CHD8: variants seen among roughly 807,000 people sequenced by gnomAD.
The protein encoded by CHD8 is ATP-dependent chromatin remodeler CHD8.
Under a neutral mutation model 279.2 loss-of-function variants are expected in CHD8, and 31 were observed. The observed-to-expected ratio is 0.11, with a 90% CI of 0.08 to 0.15. The LOEUF (loss-of-function observed/expected upper bound fraction) is 0.15. CHD8 is among the 10% of genes least tolerant of loss of function. The pLI, the probability that CHD8 is intolerant of heterozygous loss-of-function variation, is 1.00. For missense variants in CHD8, 2,146 were observed against 3,230.5 expected (o/e 0.66, Z 8.14); for synonymous variants, 1,081 against 1,139.6 (o/e 0.95, Z 1.04).
chr14:21,426,076 A>G, intron 5 of CHD8, 52 bp downstream of exon 5: 1 of 1,063,058 alleles, frequency 9.4e-7, no homozygotes, highest in East Asian at 2.4e-5. Context: ...TGGCTTGGTT[A>G]GCCATAATTA....
intron 37 of CHD8, among the ~76,000 whole-genome samples, chr14:21,389,890 T>C (rs1312154226): frequency 6.6e-6 from 1 of 152,200 alleles, no homozygotes. Context: ...GGAAATCTCA[T>C]GACTATTTTC....
At chr14:21,391,349 C>T in intron 36 of CHD8, 114 bp downstream of exon 36, 1 of 977,336 alleles carries the variant, frequency 1.0e-6, no homozygotes, top group South Asian at 1.7e-5. Context: ...TAATTATTAC[C>T]CTTATCTTGC....
chr14:21,429,236 C>G lies in CHD8; in HGVS notation c.943G>C (p.Val315Leu). ...VVLGSLPGKI[V>L]LQGNQLAALT... ...GCTGCCAGCTGGTTGCCCTGTAACA[C>G]TATCTTGCCTGGTAGACTCCCTAGC... Residue 315 changes from valine (V) to leucine (L), a missense_variant, in exon 3 of 38, where the codon GTG (valine) becomes CTG (leucine). Val to Leu is a conservative substitution (Grantham distance 32, BLOSUM62 1). Coordinates refer to ENST00000646647, the MANE Select transcript of CHD8 (RefSeq NM_001170629.2). 1 of 1,613,886 alleles carries G rather than the reference C, an allele frequency of 6.2e-7. No individual in the cohort carries two copies. Among genetic ancestry groups the G allele is most frequent in the Non-Finnish European group, 8.5e-7 (1 of 1,179,820 alleles).
chr14:21,441,845 C>T (rs1441639124), intron 1 of CHD8, among the ~76,000 whole-genome samples: 3 of 152,056 alleles, frequency 2.0e-5, no homozygotes, highest in East Asian at 1.9e-4. Context: ...GCCAAGATTG[C>T]GCCACTGCAC....
At position 21,400,833 on chromosome 14, in the gene CHD8, GATGCACT is replaced by G. The variant is rs1266018399; in HGVS notation, c.4370+35_4370+41del. ...AACCAAGAGTATCTATCAGGATGGAGATGCACTATGCACTACCTCTAATGGTAAGTTG... is the reference window on the plus strand; with the variant it reads ...AACCAAGAGTATCTATCAGGATGGAGATGCACTACCTCTAATGGTAAGTTG... On this transcript the variant is annotated intron_variant, in intron 22 of 37. Coordinates refer to ENST00000646647, the MANE Select transcript of CHD8 (RefSeq NM_001170629.2). The surrounding 1 kb of genome is among the most constrained non-coding windows in gnomAD (Gnocchi z 4.2). 2.0e-6 allele frequency: 3 copies of G among 1,524,506 alleles called. No homozygotes were observed. The African/African-American group carries it at 4.2e-5, about 21-fold the overall frequency. The allele number at this position is 1,524,506 out of a possible 1,614,324, so 94.4% of individuals were successfully genotyped here. A position where few individuals can be genotyped will look rare whatever the true frequency, so the allele number is the denominator to read the frequency against.
chr14:21,396,200 T>C (rs1213331561), intron 27 of CHD8, among the ~76,000 whole-genome samples: 1 of 152,020 alleles, frequency 6.6e-6, no homozygotes, highest in Non-Finnish European at 1.5e-5. Context: ...TTTGCCATAT[T>C]GCCCAGGCTC....
At position 21,402,433 on chromosome 14, in the gene CHD8, G is replaced by C. The variant is rs2139467272; in HGVS notation, c.3785C>G (p.Ser1262Cys). 1 of 1,613,978 alleles carries C rather than the reference G, an allele frequency of 6.2e-7. No homozygotes were observed. The highest frequency in any genetic ancestry group is 8.5e-7 in the Non-Finnish European group (1 of 1,179,872). The change falls in exon 19 of 38, where the codon TCC becomes TGC. Residue 1262 changes from serine to cysteine, a missense_variant. By Grantham distance (112) the Ser-to-Cys change is moderately radical (BLOSUM62 -1). Coordinates refer to ENST00000646647, the MANE Select transcript of CHD8 (RefSeq NM_001170629.2). This position sits in a 1 kb window ranked among gnomAD's most constrained non-coding sequence, Gnocchi z 4.5. ...CTTATCAAACATCTCTCTCTCGTAG[G>C]AATTACGAGTGATGAGGCGGTACAC... ...VKVYRLITRN[S>C]YEREMFDKAS...
chr14:21,408,184 T>TGGTTTA lies in CHD8; in HGVS notation c.2730+127_2730+128insTAAACC. ...TGCTATACAAAAATGCCTTAAACCA[T>TGGTTTA]AGGCATTTTTGCATAGGCATATTGA... is the stretch of plus-strand genomic sequence containing the variant. On this transcript the variant is annotated intron_variant, in intron 13 of 37. Coordinates refer to ENST00000646647, the MANE Select transcript of CHD8 (RefSeq NM_001170629.2). This position sits in a 1 kb window ranked among gnomAD's most constrained non-coding sequence, Gnocchi z 4.3. 2.6e-6 allele frequency: 3 copies of TGGTTTA among 1,166,440 alleles called. No homozygotes were observed. Among genetic ancestry groups the TGGTTTA allele is most frequent in the Non-Finnish European group, 3.6e-6 (3 of 832,872 alleles). 72.3% of individuals were successfully genotyped at this position (1,166,440 alleles called of 1,614,324 possible).
In CHD8 at chr14:21,385,751, A is replaced by G; in HGVS notation, c.7608T>C (p.Pro2536=). 1 of 1,548,050 alleles carries G rather than the reference A, an allele frequency of 6.5e-7. No homozygotes were observed. Among genetic ancestry groups the G allele is most frequent in the African/African-American group, 1.4e-5 (1 of 72,174 alleles). Residue 2536 remains proline (P), a synonymous_variant, in exon 38 of 38, where the codon CCT becomes CCC. Coordinates refer to ENST00000646647, the MANE Select transcript of CHD8 (RefSeq NM_001170629.2). ...CTTCATCCTCATCGTCATCCTCCTC[A>G]GGTTGCAGTGGTGGCAACCGCAAGG... The part of the protein sequence containing the change: ...GTTLRLPPLQ[P]EEDDDEDEED...
Position 21,427,264 on chromosome 14 carries a change from G to C in CHD8, c.1601+605C>G, listed in dbSNP as rs140103524. ...TCAAATGTCCCATCACAATAGCAAG[G>C]AGTACTCAATCTTGAGCTTGCTCTT... On this transcript the variant is annotated intron_variant, in intron 4 of 37. Coordinates refer to ENST00000646647, the MANE Select transcript of CHD8 (RefSeq NM_001170629.2). 262 of 250,510 alleles carry C rather than the reference G, an allele frequency of 1.0e-3. 3 individuals carry two copies. Among genetic ancestry groups the C allele is most frequent in the African/African-American group, 5.0e-3 (218 of 43,766 alleles). The allele number at this position is 250,510 out of a possible 1,614,324, so 15.5% of individuals were successfully genotyped here.
chr14:21,402,570 A>G lies in CHD8; in HGVS notation c.3715-67T>C. The G allele has an allele frequency of 7.0e-7, 1 of 1,419,636 alleles. No homozygotes were observed. The highest frequency in any genetic ancestry group is 9.4e-7 in the Non-Finnish European group (1 of 1,058,286). 87.9% of individuals were successfully genotyped at this position (1,419,636 alleles called of 1,614,324 possible). ...TAAAATTAGCAAGGGAAAGGATACA[A>G]AATACCAATTTATGATTCTTTCACC... On this transcript the variant is annotated intron_variant, in intron 18 of 37. Coordinates refer to ENST00000646647, the MANE Select transcript of CHD8 (RefSeq NM_001170629.2). The surrounding 1 kb of genome is among the most constrained non-coding windows in gnomAD (Gnocchi z 4.5).
chr14:21,432,260 T>C (rs1889595410), intron 1 of CHD8, among the ~76,000 whole-genome samples: 1 of 152,156 alleles, frequency 6.6e-6, no homozygotes, highest in Non-Finnish European at 1.5e-5. Context: ...TAGATAAAGG[T>C]TTCTGGATAT....
chr14:21,429,087 G>A lies in CHD8; in HGVS notation c.1092C>T (p.Pro364=). Residue 364 remains proline (P), a synonymous_variant, in exon 3 of 38, where the codon CCC becomes CCT. Transcript: ENST00000646647. The stretch of plus-strand genomic sequence containing the variant: ...CTGGCTGGGTGGAGGGTGGCTGCTG[G>A]GGCTGTGGCTGCGATGATGGTGGTT... ...VPQPPSSQPQ[P]QQPPSTQPVT... 1 of 1,613,996 alleles carries A rather than the reference G, an allele frequency of 6.2e-7. No homozygotes were observed. The highest frequency in any genetic ancestry group is 8.5e-7 in the Non-Finnish European group (1 of 1,179,896).
At chr14:21,414,802 AT>A in intron 8 of CHD8, 135 bp downstream of exon 8, 1 of 692,072 alleles carries the variant, frequency 1.4e-6, no homozygotes, top group Non-Finnish European at 2.6e-6. Flanking sequence ...CTGAATAGCC[AT>A]TTTTCCCCAT....
chr14:21,444,072 C>T (rs1213571597), intron 1 of CHD8, among the ~76,000 whole-genome samples: 1 of 151,918 alleles, frequency 6.6e-6, no homozygotes, highest in African/African-American at 2.4e-5. Flanking sequence ...CTTTGAAGTC[C>T]AAGGGACCTG....
chr14:21,454,192 GA>G (rs1245354052), intron 1 of CHD8, among the ~76,000 whole-genome samples: 9 of 148,802 alleles, frequency 6.0e-5, no homozygotes, highest in Non-Finnish European at 1.3e-4. Flanking sequence ...GAAAAGAAAA[GA>G]AAAGAAAAGA....
chr14:21,401,362 TG>T, intron 21 of CHD8, 40 bp downstream of exon 21: 1 of 1,182,098 alleles, frequency 8.5e-7, no homozygotes, highest in South Asian at 1.4e-5. Flanking sequence ...GAAAGTAGTG[TG>T]GTCTTCTGCG....
At chr14:21,414,830 G>A in intron 8 of CHD8, 108 bp downstream of exon 8, 1 of 773,112 alleles carries the variant, frequency 1.3e-6, no homozygotes, top group Non-Finnish European at 2.2e-6. Context: ...CAGCAACCTG[G>A]GCTACAAGAC....
In CHD8 at chr14:21,402,575, C is replaced by A. The variant is rs1888084672; in HGVS notation, c.3715-72G>T. 1.4e-6 allele frequency: 2 copies of A among 1,383,190 alleles called. No individual in the cohort carries two copies. Among genetic ancestry groups the A allele is most frequent in the Non-Finnish European group, 9.7e-7 (1 of 1,029,038 alleles). 85.7% of individuals were successfully genotyped at this position (1,383,190 alleles called of 1,614,324 possible). A position where few individuals can be genotyped will look rare whatever the true frequency, so the allele number is the denominator to read the frequency against. On this transcript the variant is annotated intron_variant, in intron 18 of 37. Coordinates refer to ENST00000646647, the MANE Select transcript of CHD8 (RefSeq NM_001170629.2). The surrounding 1 kb of genome is among the most constrained non-coding windows in gnomAD (Gnocchi z 4.5). ...TTAGCAAGGGAAAGGATACAAAATA[C>A]CAATTTATGATTCTTTCACCTCTAT...
Sources: allele counts gnomAD v4.1 joint callset (sites outside exome capture counted in the v4.1 genomes callset), GRCh38; gene constraint gnomAD v4.1.1; non-coding constraint Gnocchi (gnomAD v3.1); transcripts MANE v1.5; gene names NCBI Gene and HGNC (gene_info 2026-07-23, HGNC 2026-07-21).